GFI1B: variants seen among roughly 807,000 people sequenced by gnomAD.
GFI1B encodes zinc finger protein Gfi-1b.
In GFI1B, 20 loss-of-function variants were observed where a neutral mutation model predicts 35.3. The observed-to-expected ratio is 0.57, with a 90% CI of 0.40 to 0.82. The LOEUF is 0.82. Among genes scored for constraint, GFI1B ranks in the 40% least tolerant of loss-of-function variants. The probability of loss-of-function intolerance (pLI) is 0.00; values close to 1 mark genes in which losing one functional copy is unlikely to be tolerated. For synonymous variants in GFI1B, 178 were observed against 177.6 expected, an observed-to-expected ratio of 1.00 and a Z score of -0.02; for missense variants, 430 against 446.3, an observed-to-expected ratio of 0.96 and a Z score of 0.33.
intron 1 of GFI1B, among the ~76,000 whole-genome samples, chr9:132,982,258 C>A (rs770542942): frequency 9.2e-5 from 14 of 152,214 alleles, no homozygotes; most frequent in Non-Finnish European, 1.5e-4. Flanking sequence ...CTTAGCCCAA[C>A]CGTCCCTTTT....
chr9:132,985,410 C>T (rs945579341), intron 1 of GFI1B, among the ~76,000 whole-genome samples: 4 of 152,132 alleles, frequency 2.6e-5, no homozygotes, highest in Admixed American at 1.3e-4. Flanking sequence ...GGGCTGCCCA[C>T]GGAAGCTGGG....
intron 1 of GFI1B, among the ~76,000 whole-genome samples, chr9:132,979,824 G>A (rs1257976645): frequency 1.3e-5 from 2 of 152,164 alleles, no homozygotes; most frequent in Non-Finnish European, 2.9e-5. Flanking sequence ...GTGGGTATGT[G>A]CCCGTGTACA....
chr9:132,979,553 C>T (rs1848745783), intron 1 of GFI1B, among the ~76,000 whole-genome samples: 2 of 152,094 alleles, frequency 1.3e-5, no homozygotes, highest in Non-Finnish European at 2.9e-5. Context: ...TCCCAGGACA[C>T]TTTGAGAGTC....
Position 132,987,411 on chromosome 9 carries a change from C to G in GFI1B, c.230C>G (p.Pro77Arg), listed in dbSNP as rs368601873. 5 of 1,614,228 alleles carry G rather than the reference C, an allele frequency of 3.1e-6. No homozygotes were observed. The highest frequency in any genetic ancestry group is 4.2e-6 in the Non-Finnish European group (5 of 1,180,026). Residue 77 changes from proline (P) to arginine (R), a missense_variant, in exon 3 of 7, where the codon CCG (proline) becomes CGG (arginine). Pro to Arg is a moderately radical substitution (Grantham distance 103). Coordinates refer to ENST00000372122, the MANE Select transcript of GFI1B (RefSeq NM_001377304.1). The part of the protein sequence containing the change: ...EQDQNLARMA[P>R]APEGPIVLSR... ...GACCAGAACTTGGCCAGGATGGCCC[C>G]GGCACCAGGTACCCCGCTGTGACCC...
intron 6 of GFI1B, 75 bp from the exon 7 acceptor site, chr9:132,990,797 C>G: frequency 7.4e-7 from 1 of 1,360,516 alleles, no homozygotes; most frequent in Admixed American, 1.7e-5. Flanking sequence ...AACCCGGGGG[C>G]AGGGCAGGGG....
In GFI1B at chr9:132,955,097, T is replaced by A. The variant is rs571026120; in HGVS notation, c.-701+9428T>A. ...TATTTACCATTGCTGGCATTCTTCA[T>A]TTATTTGTGTAGATCCAAGTTTGCA... On this transcript the variant is annotated intron_variant, in intron 1 of 10. Transcript: ENST00000339463. Among the ~76,000 whole-genome samples, 4 of 152,284 alleles carry A rather than the reference T, an allele frequency of 2.6e-5. No individual in the cohort carries two copies. The East Asian group carries it at 7.7e-4, about 29-fold the overall frequency.
intron 1 of GFI1B, among the ~76,000 whole-genome samples, chr9:132,958,818 C>A (rs1018245701): frequency 2.0e-5 from 3 of 152,184 alleles, no homozygotes; most frequent in Non-Finnish European, 4.4e-5. Flanking sequence ...GCCAGAGAGA[C>A]AGGCCCAGTG....
intron 1 of GFI1B, among the ~76,000 whole-genome samples, chr9:132,983,902 T>C (rs1848925302): frequency 6.6e-6 from 1 of 152,188 alleles, no homozygotes; most frequent in Non-Finnish European, 1.5e-5. Flanking sequence ...CCCTGCTCAC[T>C]CTGCCCCAGG....
intron 1 of GFI1B, among the ~76,000 whole-genome samples, chr9:132,967,175 C>T (rs1160391820): frequency 3.3e-5 from 5 of 152,180 alleles, no homozygotes; most frequent in Non-Finnish European, 5.9e-5. Flanking sequence ...TGCCTTTCTC[C>T]ATGGAGTAAT....
intron 1 of GFI1B, among the ~76,000 whole-genome samples, chr9:132,949,358 C>CAA (rs1401499312): frequency 1.3e-5 from 2 of 151,660 alleles, no homozygotes; most frequent in East Asian, 1.9e-4. Context: ...CACACACACA[C>CAA]CCCCAACCCC....
At chr9:132,956,364 G>A (rs72759448) in intron 1 of GFI1B, among the ~76,000 whole-genome samples, 2,197 of 151,998 alleles carry the variant, frequency 0.014, 26 homozygotes, top group Middle Eastern at 0.034. Context: ...TCCGTGAATC[G>A]TCTTCTAAAA....
In GFI1B at chr9:132,989,310, A is replaced by T; in HGVS notation, c.648+112A>T. 9.2e-7 allele frequency: 1 copy of T among 1,087,190 alleles called. No individual in the cohort carries two copies. The highest frequency in any genetic ancestry group is 1.4e-6 in the Non-Finnish European group (1 of 726,972). 67.3% of individuals were successfully genotyped at this position (1,087,190 alleles called of 1,614,324 possible). A position where few individuals can be genotyped will look rare whatever the true frequency, so the allele number is the denominator to read the frequency against. The stretch of plus-strand genomic sequence containing the variant: ...CCCCCTGCCCCTGGGGGTGACACAG[A>T]TTGGGAGGGGTCCCCTAGTACCCAC... On this transcript the variant is annotated intron_variant, in intron 5 of 6. Transcript: ENST00000372122. This position sits in a 1 kb window ranked among gnomAD's most constrained non-coding sequence, Gnocchi z 6.2.
intron 1 of GFI1B, among the ~76,000 whole-genome samples, chr9:132,950,387 C>T (rs575538280): frequency 1.3e-5 from 2 of 152,028 alleles, no homozygotes; most frequent in South Asian, 4.2e-4. Flanking sequence ...TTCCACCACA[C>T]CGCCTGCTTA....
intron 6 of GFI1B, 80 bp from the exon 7 acceptor site, chr9:132,990,792 G>T: frequency 7.6e-7 from 1 of 1,308,850 alleles, no homozygotes; most frequent in South Asian, 1.2e-5. Flanking sequence ...AAATGAACCC[G>T]GGGGCAGGGC....
At chr9:132,982,152 G>A (rs73660572) in intron 1 of GFI1B, among the ~76,000 whole-genome samples, 3,308 of 152,346 alleles carry the variant, frequency 0.022, 66 homozygotes, top group African/African-American at 0.044. Flanking sequence ...AGGGGAACCC[G>A]AGTGACAAGT....
At chr9:132,950,943 T>C (rs1478346933) in intron 1 of GFI1B, among the ~76,000 whole-genome samples, 1 of 151,938 alleles carries the variant, frequency 6.6e-6, no homozygotes, top group Non-Finnish European at 1.5e-5. Flanking sequence ...GCTCAGACCA[T>C]CCTCCTGCCT....
At chr9:132,985,024 C>T (rs933454759) in intron 1 of GFI1B, among the ~76,000 whole-genome samples, 77 of 150,118 alleles carry the variant, frequency 5.1e-4, no homozygotes, top group Middle Eastern at 6.8e-3. Context: ...CCGCCTTCTC[C>T]GGACCCTATC....
At chr9:132,954,408 C>G (rs995065765) in intron 1 of GFI1B, among the ~76,000 whole-genome samples, 1 of 151,910 alleles carries the variant, frequency 6.6e-6, no homozygotes, top group Admixed American at 6.6e-5. Context: ...AACCCCATCT[C>G]TACTAAAAAT....
At chr9:132,964,599 C>T (rs981739938) in intron 1 of GFI1B, among the ~76,000 whole-genome samples, 1 of 152,154 alleles carries the variant, frequency 6.6e-6, no homozygotes, top group Non-Finnish European at 1.5e-5. Context: ...CACAACCTTG[C>T]ACAAAGGCCG....
Sources: gnomAD v4.1 joint callset for allele counts (sites outside exome capture counted in the v4.1 genomes callset) on GRCh38, gnomAD v4.1.1 for gene constraint, Gnocchi (gnomAD v3.1) non-coding constraint, MANE v1.5 for transcripts, NCBI Gene and HGNC (gene_info 2026-07-23, HGNC 2026-07-21) for gene names.